The following SLIT1 variants were observed in gnomAD, a reference collection of about 807,000 sequenced individuals.
SLIT1 encodes slit homolog 1 protein.
SLIT1 carries 66 observed loss-of-function variants against 186.1 expected under a neutral mutation model. That is an observed-to-expected ratio of 0.35 (90% confidence interval 0.29 to 0.44). The LOEUF is 0.44. Among genes scored for constraint, SLIT1 ranks in the 20% least tolerant of loss-of-function variants. SLIT1 has a pLI of 1.00. For missense variants in SLIT1, 1,638 were observed against 2,037.4 expected, an observed-to-expected ratio of 0.80 and a Z score of 3.77; for synonymous variants, 761 against 833.8, an observed-to-expected ratio of 0.91 and a Z score of 1.50.
chr10:97,142,416 C>T (rs1849775618), intron 4 of SLIT1, among the ~76,000 whole-genome samples: 1 of 152,030 alleles, frequency 6.6e-6, no homozygotes. Flanking sequence ...ACTGAATATC[C>T]CCATGCAAAA....
intron 25 of SLIT1, among the ~76,000 whole-genome samples, chr10:97,028,063 C>T (rs187090730): frequency 1.3e-5 from 2 of 152,290 alleles, no homozygotes; most frequent in African/African-American, 4.8e-5. Flanking sequence ...CCAGCAGAGA[C>T]AAGCACAAAT....
intron 2 of SLIT1, among the ~76,000 whole-genome samples, chr10:97,164,050 C>T (rs745940297): frequency 5.3e-5 from 8 of 152,246 alleles, no homozygotes; most frequent in Admixed American, 3.3e-4. Context: ...GGGGTGCCCA[C>T]GCCAACTGAA....
At position 97,030,083 on chromosome 10, in the gene SLIT1, G is replaced by A. The variant is rs376080977; in HGVS notation, c.2582+674C>T. On this transcript the variant is annotated intron_variant, in intron 25 of 36. Coordinates refer to ENST00000266058, the MANE Select transcript of SLIT1 (RefSeq NM_003061.3). Reference sequence around the variant, plus strand: ...GTAAAATGCTGCAGTGAACATTGGTGTACACACATCTGTTTGAGTCCCTGC... The same window carrying A: ...GTAAAATGCTGCAGTGAACATTGGTATACACACATCTGTTTGAGTCCCTGC... Among the ~76,000 whole-genome samples, 9 of 152,162 alleles carry A rather than the reference G, an allele frequency of 5.9e-5. No homozygotes were observed. The East Asian group carries it at 7.7e-4, about 13-fold the overall frequency.
intron 1 of SLIT1, among the ~76,000 whole-genome samples, chr10:97,169,505 A>G (rs1438412673): frequency 6.6e-6 from 1 of 152,224 alleles, no homozygotes. Context: ...TTCCTCCAAC[A>G]GGAGGTCCTC....
chr10:97,128,397 G>A lies in SLIT1; in HGVS notation c.413+29421C>T, dbSNP rs111903004. Among the ~76,000 whole-genome samples the A allele has an allele frequency of 3.5e-4, 54 of 152,252 alleles. 1 individual carries two copies. The highest frequency in any genetic ancestry group is 1.1e-3 in the African/African-American group (46 of 41,540). The stretch of plus-strand genomic sequence containing the variant: ...GCCCCCACCGTGGCTAGAAGCGCAC[G>A]TGTGCATGCTCACACTCTCCCCAAA... On this transcript the variant is annotated intron_variant, in intron 4 of 36. Transcript: ENST00000266058.
At chr10:97,136,422 G>T (rs1849703969) in intron 4 of SLIT1, among the ~76,000 whole-genome samples, 1 of 152,128 alleles carries the variant, frequency 6.6e-6, no homozygotes, top group Admixed American at 6.5e-5. Context: ...AGTGTGAGTA[G>T]GTCACCAACA....
At chr10:97,140,365 C>G (rs1184264929) in intron 4 of SLIT1, among the ~76,000 whole-genome samples, 1 of 152,130 alleles carries the variant, frequency 6.6e-6, no homozygotes, top group Admixed American at 6.5e-5. Context: ...GCTTCAACTT[C>G]GAATTGTGAA....
intron 4 of SLIT1, among the ~76,000 whole-genome samples, chr10:97,139,073 A>G (rs1248644457): frequency 6.6e-6 from 1 of 152,192 alleles, no homozygotes; most frequent in Non-Finnish European, 1.5e-5. Context: ...GGGTGAATGA[A>G]TGCATCCATG....
chr10:97,103,581 T>C (rs531710466), intron 4 of SLIT1: 1 of 152,212 alleles, frequency 6.6e-6, no homozygotes, highest in South Asian at 2.1e-4. Context: ...AAACGTTTAT[T>C]TTAGCACATC....
At chr10:97,045,327 T>C (rs968112031) in intron 18 of SLIT1, among the ~76,000 whole-genome samples, 1 of 152,244 alleles carries the variant, frequency 6.6e-6, no homozygotes, top group Non-Finnish European at 1.5e-5. Flanking sequence ...AAAAAAATTT[T>C]AATATGTAAT....
chr10:97,002,757 G>A lies in SLIT1; in HGVS notation c.4101C>T (p.Gly1367=), dbSNP rs776122972. 7.5e-6 allele frequency: 12 copies of A among 1,610,488 alleles called. No individual in the cohort carries two copies. The highest frequency in any genetic ancestry group is 1.0e-5 in the Non-Finnish European group (12 of 1,177,678). ...GCTGGTCACAGTGCAGGCCCACCCAGCCAGCCTCGCAGTGGCACATGGGCC... is the reference window on the plus strand; with the variant it reads ...GCTGGTCACAGTGCAGGCCCACCCAACCAGCCTCGCAGTGGCACATGGGCC... ...TPGPMCHCEA[G]WVGLHCDQPA... The change falls in exon 35 of 37, where the codon GGC becomes GGT. Residue 1367 remains glycine (G), a synonymous_variant. Transcript: ENST00000266058.
chr10:97,008,927 T>C (rs554508120), intron 31 of SLIT1, among the ~76,000 whole-genome samples: 15 of 152,076 alleles, frequency 9.9e-5, no homozygotes, highest in Non-Finnish European at 1.6e-4. Context: ...TCACCCAGGC[T>C]GGAGTGCAGT....
At chr10:97,120,194 C>T (rs1849548517) in intron 4 of SLIT1, among the ~76,000 whole-genome samples, 1 of 151,804 alleles carries the variant, frequency 6.6e-6, no homozygotes, top group Non-Finnish European at 1.5e-5. Flanking sequence ...CAGATTCAGC[C>T]CAGGGTTGGG....
chr10:97,130,308 G>A (rs1202707413), intron 4 of SLIT1, among the ~76,000 whole-genome samples: 1 of 152,190 alleles, frequency 6.6e-6, no homozygotes, highest in African/African-American at 2.4e-5. Context: ...ATACTTGTAC[G>A]CCTTCATTCA....
chr10:97,169,752 C>T (rs930204563), intron 1 of SLIT1, among the ~76,000 whole-genome samples: 4 of 152,244 alleles, frequency 2.6e-5, no homozygotes, highest in Admixed American at 1.3e-4. Context: ...GTGCAGGCTC[C>T]GGGCCTGACC....
chr10:97,155,241 T>C (rs1318644097), intron 4 of SLIT1: 7 of 152,456 alleles, frequency 4.6e-5, no homozygotes, highest in Admixed American at 3.9e-4. Flanking sequence ...AGTTATGCCT[T>C]GAAAAGCCCA....
intron 4 of SLIT1, among the ~76,000 whole-genome samples, chr10:97,066,800 G>A (rs1848950856): frequency 6.6e-6 from 1 of 152,162 alleles, no homozygotes; most frequent in Non-Finnish European, 1.5e-5. Flanking sequence ...ACAGCCTAAT[G>A]CCCACAGAGG....
At chr10:97,005,894 CAGAGG>C (rs1373258576) in intron 32 of SLIT1, among the ~76,000 whole-genome samples, 1 of 152,180 alleles carries the variant, frequency 6.6e-6, no homozygotes, top group Non-Finnish European at 1.5e-5. Context: ...AAGATGACTA[CAGAGG>C]AGTTTAACAT....
intron 7 of SLIT1, 145 bp from the exon 8 acceptor site, chr10:97,063,763 C>G: frequency 1.1e-6 from 1 of 877,782 alleles, no homozygotes; most frequent in African/African-American, 1.7e-5. Flanking sequence ...GACGGCTCAG[C>G]TCCAACCCGG....
Sources: allele counts gnomAD v4.1 joint callset (sites outside exome capture counted in the v4.1 genomes callset), GRCh38; gene constraint gnomAD v4.1.1; transcripts MANE v1.5; gene names NCBI Gene and HGNC (gene_info 2026-07-23, HGNC 2026-07-21).